Variants in ULK4 observed in about 807,000 individuals in gnomAD.
The protein encoded by ULK4 is unc-51 like kinase 4, also known as inactive serine/threonine-protein kinase ULK4.
Under a neutral mutation model 160.6 loss-of-function variants are expected in ULK4, and 133 were observed. The ratio of observed to expected loss-of-function variants is 0.83; its 90% CI spans 0.72 to 0.96. ULK4 has a LOEUF of 0.96. Among genes scored for constraint, ULK4 ranks in the 40% least tolerant of loss-of-function variants. ULK4 has a pLI of 0.00. For missense variants in ULK4, 1,580 were observed against 1,499.5 expected (o/e 1.05, Z -0.89); for synonymous variants, 534 against 539.8 (o/e 0.99, Z 0.15).
intron 35 of ULK4, among the ~76,000 whole-genome samples, chr3:41,372,110 GAACA>G (rs1210068448): frequency 6.6e-6 from 1 of 151,776 alleles, no homozygotes; most frequent in East Asian, 1.9e-4. Context: ...GAATGAAAAG[GAACA>G]AACAAAGCCT....
intron 18 of ULK4, among the ~76,000 whole-genome samples, chr3:41,834,103 T>C (rs561745762): frequency 6.6e-6 from 1 of 151,602 alleles, no homozygotes; most frequent in African/African-American, 2.4e-5. Context: ...GCTGGACAGA[T>C]GGGGTACAAA....
rs569151825 is a variant in ULK4, at chr3:41,449,428, G to A, written c.3492+6069C>T. On this transcript the variant is annotated intron_variant, in intron 34 of 36. Transcript: ENST00000301831. ...GGAAATGTCCAGAAGGCAGATGGGCGGTGGCTACTCAGAAAGAGGGGTATC... is the reference window on the plus strand; with the variant it reads ...GGAAATGTCCAGAAGGCAGATGGGCAGTGGCTACTCAGAAAGAGGGGTATC... Among the ~76,000 whole-genome samples, 7 of 152,228 alleles carry A rather than the reference G, an allele frequency of 4.6e-5. No homozygotes were observed. The East Asian group carries it at 7.7e-4, about 17-fold the overall frequency.
chr3:41,380,863 T>G (rs576179870), intron 35 of ULK4, among the ~76,000 whole-genome samples: 2 of 152,306 alleles, frequency 1.3e-5, no homozygotes, highest in South Asian at 4.1e-4. Context: ...CTTTCCAGGA[T>G]GCGCCATTCA....
intron 17 of ULK4, among the ~76,000 whole-genome samples, chr3:41,848,926 A>G (rs949817475): frequency 6.6e-6 from 1 of 152,196 alleles, no homozygotes; most frequent in African/African-American, 2.4e-5. Flanking sequence ...CCTTAGAGTC[A>G]GGCAGGGCCA....
chr3:41,582,147 G>A (rs1054050655), intron 31 of ULK4, among the ~76,000 whole-genome samples: 1 of 152,150 alleles, frequency 6.6e-6, no homozygotes, highest in Non-Finnish European at 1.5e-5. Context: ...TCTCATAGTA[G>A]TGAATATGTC....
intron 32 of ULK4, among the ~76,000 whole-genome samples, chr3:41,551,603 T>C (rs2087070352): frequency 1.3e-5 from 2 of 151,832 alleles, no homozygotes; most frequent in Admixed American, 6.6e-5. Flanking sequence ...CAATAATGAG[T>C]AATGAGATTG....
rs541301240 is a variant in ULK4, at chr3:41,542,855, C to G, written c.3226+23170G>C. On this transcript the variant is annotated intron_variant, in intron 32 of 36. Transcript: ENST00000301831. ...GATAGTATGAAAACAAAGTTTTTAA[C>G]TGAATTGTATCATTAGATGCAACTC... Among the ~76,000 whole-genome samples, 6 of 152,004 alleles carry G rather than the reference C, an allele frequency of 3.9e-5. No homozygotes were observed. In the East Asian group the frequency reaches 1.2e-3, roughly 29 times the overall value.
intron 31 of ULK4, among the ~76,000 whole-genome samples, chr3:41,569,376 C>A (rs1438372378): frequency 6.6e-6 from 1 of 152,048 alleles, no homozygotes; most frequent in Non-Finnish European, 1.5e-5. Context: ...TGCCAGCCAT[C>A]AACTCATTAG....
intron 25 of ULK4, among the ~76,000 whole-genome samples, chr3:41,706,156 C>A (rs1306066115): frequency 1.3e-5 from 2 of 151,778 alleles, no homozygotes; most frequent in African/African-American, 4.8e-5. Context: ...GAGAGGAAGG[C>A]CTTAGTAGCT....
At chr3:41,766,119 A>G (rs1231246748) in intron 21 of ULK4, among the ~76,000 whole-genome samples, 2 of 151,804 alleles carry the variant, frequency 1.3e-5, no homozygotes, top group African/African-American at 4.8e-5. Flanking sequence ...AAATACAAAA[A>G]TCAGCCAGGC....
At chr3:41,562,845 A>T (rs2087642942) in intron 32 of ULK4, among the ~76,000 whole-genome samples, 1 of 152,178 alleles carries the variant, frequency 6.6e-6, no homozygotes, top group African/African-American at 2.4e-5. Context: ...CAATTGGGGC[A>T]TTTAGCCCAT....
intron 2 of ULK4, among the ~76,000 whole-genome samples, chr3:41,943,455 G>A (rs758078115): frequency 6.6e-6 from 1 of 151,944 alleles, no homozygotes; most frequent in Non-Finnish European, 1.5e-5. Flanking sequence ...TCCAATTCTG[G>A]TTAAACTCAA....
At position 41,398,095 on chromosome 3, in the gene ULK4, C is replaced by G. The variant is rs1247282373; in HGVS notation, c.3662G>C (p.Arg1221Thr). 1.1e-5 allele frequency: 18 copies of G among 1,612,666 alleles called. No individual in the cohort carries two copies. The highest frequency in any genetic ancestry group is 1.5e-5 in the Non-Finnish European group (18 of 1,179,334). Residue 1221 changes from arginine (R) to threonine (T), a missense_variant, in exon 35 of 37, where the codon AGG (arginine) becomes ACG (threonine). Coordinates refer to ENST00000301831, the MANE Select transcript of ULK4 (RefSeq NM_017886.4). ...TGAACTCACCATTCTTCTGAGAATC[C>G]TTAACAGAAGCTTCTGCTCCTTTGG... ...EDPKEQKLLL[R>T]ILRRMITSNE...
chr3:41,899,961 C>G (rs1698293649), intron 13 of ULK4, among the ~76,000 whole-genome samples: 1 of 151,728 alleles, frequency 6.6e-6, no homozygotes, highest in Non-Finnish European at 1.5e-5. Context: ...AAAAAAGAGT[C>G]ATGAATTAAT....
At chr3:41,259,883 G>A (rs995426774) in intron 35 of ULK4, 4 of 152,106 alleles carry the variant, frequency 2.6e-5, no homozygotes, top group African/African-American at 9.7e-5. Flanking sequence ...AACACTGACA[G>A]ACTAGAAAAA....
At chr3:41,912,953 AT>A (rs775174079) in intron 8 of ULK4, 54 bp from the exon 9 acceptor site, 33 of 1,561,196 alleles carry the variant, frequency 2.1e-5, no homozygotes, top group Non-Finnish European at 2.9e-5. Context: ...ACCATGAAAA[AT>A]TCCCAAGACA....
chr3:41,388,136 G>A (rs551339117), intron 35 of ULK4, among the ~76,000 whole-genome samples: 52 of 152,076 alleles, frequency 3.4e-4, no homozygotes, highest in South Asian at 1.9e-3. Flanking sequence ...GATGATGAGC[G>A]TTTTTTCATG....
chr3:41,438,513 G>T (rs567905828), intron 34 of ULK4, among the ~76,000 whole-genome samples: 1 of 152,060 alleles, frequency 6.6e-6, no homozygotes, highest in Non-Finnish European at 1.5e-5. Context: ...TATCCCCATG[G>T]GTCAGGAATG....
chr3:41,728,731 C>T (rs1415406001), intron 22 of ULK4, among the ~76,000 whole-genome samples: 1 of 152,090 alleles, frequency 6.6e-6, no homozygotes, highest in African/African-American at 2.4e-5. Flanking sequence ...TAAGAAAGTA[C>T]TTCAAGAAGG....
Sources: gnomAD v4.1 joint callset for allele counts (sites outside exome capture counted in the v4.1 genomes callset) on GRCh38, gnomAD v4.1.1 for gene constraint, MANE v1.5 for transcripts, NCBI Gene and HGNC (gene_info 2026-07-23, HGNC 2026-07-21) for gene names.